The following MYRIP variants were observed in gnomAD, a reference collection of about 807,000 sequenced individuals.
MYRIP encodes the protein myosin VIIA and Rab interacting protein, also known as rab effector MyRIP.
A neutral mutation model predicts 98.0 loss-of-function variants in MYRIP; 49 were observed. The ratio of observed to expected loss-of-function variants is 0.50; its 90% CI spans 0.40 to 0.63. The LOEUF (loss-of-function observed/expected upper bound fraction) is 0.63. Among genes scored for constraint, MYRIP ranks in the 30% least tolerant of loss-of-function variants. The pLI, the probability that MYRIP is intolerant of heterozygous loss-of-function variation, is 0.00. For synonymous variants in MYRIP, 404 were observed against 409.5 expected, an observed-to-expected ratio of 0.99 and a Z score of 0.16; for missense variants, 1,004 against 1,058.2, an observed-to-expected ratio of 0.95 and a Z score of 0.71.
At chr3:40,174,037 A>T (rs1204552893) in intron 8 of MYRIP, 1 of 152,214 alleles carries the variant, frequency 6.6e-6, no homozygotes, top group Non-Finnish European at 1.5e-5. Context: ...CATATTCAAC[A>T]CTTCACAAGA....
chr3:40,204,038 ATT>A lies in MYRIP; in HGVS notation c.1666-5815_1666-5814del, dbSNP rs1951690301. ...ATAATATATATTATATATATTATAT[ATT>A]ATATATAATATATTTATATATAATA... On this transcript the variant is annotated intron_variant, in intron 10 of 16. Transcript: ENST00000302541. Among the ~76,000 whole-genome samples, 11 of 8,848 alleles carry A rather than the reference ATT, an allele frequency of 1.2e-3. 2 individuals are homozygous for A. The highest frequency in any genetic ancestry group is 1.4e-3 in the African/African-American group (5 of 3,526). 5.8% of individuals were successfully genotyped at this position (8,848 alleles called of 152,430 possible). A position where few individuals can be genotyped will look rare whatever the true frequency, so the allele number is the denominator to read the frequency against.
chr3:39,932,820 C>T (rs766574374), intron 2 of MYRIP, among the ~76,000 whole-genome samples: 1 of 152,202 alleles, frequency 6.6e-6, no homozygotes, highest in South Asian at 2.1e-4. Flanking sequence ...ATATGTCTTA[C>T]ACATTGGTAG....
chr3:40,043,124 G>A (rs1947581940), intron 2 of MYRIP, among the ~76,000 whole-genome samples: 1 of 152,118 alleles, frequency 6.6e-6, no homozygotes, highest in Admixed American at 6.6e-5. Flanking sequence ...ATAAGTGGGG[G>A]ACTGTGTTTT....
chr3:40,219,078 A>G (rs901035819), intron 11 of MYRIP, among the ~76,000 whole-genome samples: 4 of 152,220 alleles, frequency 2.6e-5, no homozygotes, highest in Non-Finnish European at 4.4e-5. Flanking sequence ...CCTTTAAGGA[A>G]TATTAGATTA....
At chr3:40,236,073 G>A (rs750079572) in intron 12 of MYRIP, among the ~76,000 whole-genome samples, 4 of 152,154 alleles carry the variant, frequency 2.6e-5, no homozygotes, top group African/African-American at 4.8e-5. Flanking sequence ...GGTCAATGGC[G>A]AATCACATAT....
At chr3:39,827,188 C>T (rs1351107751) in intron 1 of MYRIP, among the ~76,000 whole-genome samples, 1 of 152,156 alleles carries the variant, frequency 6.6e-6, no homozygotes, top group Non-Finnish European at 1.5e-5. Context: ...CCATAGCTCA[C>T]TCCAGCCTCA....
chr3:40,251,415 A>AC (rs976046280), intron 15 of MYRIP, among the ~76,000 whole-genome samples: 4 of 152,124 alleles, frequency 2.6e-5, no homozygotes, highest in African/African-American at 9.7e-5. Flanking sequence ...ATTTCTTTAC[A>AC]CCCCCCATGG....
intron 2 of MYRIP, among the ~76,000 whole-genome samples, chr3:39,987,045 T>G (rs1316650864): frequency 6.6e-6 from 1 of 152,178 alleles, no homozygotes; most frequent in Non-Finnish European, 1.5e-5. Context: ...AACATGTAGC[T>G]TTGTTACATA....
At chr3:40,158,811 A>G (rs1323813425) in intron 4 of MYRIP, among the ~76,000 whole-genome samples, 2 of 145,982 alleles carry the variant, frequency 1.4e-5, no homozygotes, top group Non-Finnish European at 2.9e-5. Flanking sequence ...AGAGACTAGC[A>G]TTGCAACCCC....
chr3:40,204,374 G>T (rs1363799290), intron 10 of MYRIP, among the ~76,000 whole-genome samples: 7 of 148,996 alleles, frequency 4.7e-5, no homozygotes. Flanking sequence ...TAGAGACAGG[G>T]TTTTGCCATT....
At chr3:39,833,132 C>A (rs1367876004) in intron 1 of MYRIP, among the ~76,000 whole-genome samples, 1 of 152,014 alleles carries the variant, frequency 6.6e-6, no homozygotes, top group Non-Finnish European at 1.5e-5. Context: ...AAGCATGCTT[C>A]TGTGTATAAT....
intron 11 of MYRIP, among the ~76,000 whole-genome samples, chr3:40,230,619 A>G (rs1952624836): frequency 6.6e-6 from 1 of 152,174 alleles, no homozygotes. Flanking sequence ...CTCAACTTCC[A>G]GTAGGTGCAT....
intron 3 of MYRIP, among the ~76,000 whole-genome samples, chr3:40,064,659 G>A (rs969173042): frequency 3.5e-4 from 53 of 152,278 alleles, no homozygotes; most frequent in Middle Eastern, 3.4e-3. Flanking sequence ...GGGATGCCTG[G>A]GTGAAGTTGA....
intron 1 of MYRIP, among the ~76,000 whole-genome samples, chr3:39,852,688 C>T (rs1027605570): frequency 6.6e-6 from 1 of 152,132 alleles, no homozygotes; most frequent in Admixed American, 6.6e-5. Context: ...CCAACTCCAT[C>T]CAGGTTGCTG....
At chr3:40,251,792 G>C (rs2125723846) in intron 15 of MYRIP, 89 bp from the exon 16 acceptor site, 4 of 844,902 alleles carry the variant, frequency 4.7e-6, no homozygotes, top group South Asian at 4.4e-5. Flanking sequence ...TAGAACAAAA[G>C]TCTGAGTAAT....
At chr3:40,172,580 A>G (rs2125601447) in intron 8 of MYRIP, among the ~76,000 whole-genome samples, 1 of 152,292 alleles carries the variant, frequency 6.6e-6, no homozygotes, top group East Asian at 1.9e-4. Context: ...ACGTTTCAAA[A>G]TAAAGGTGAC....
intron 16 of MYRIP, among the ~76,000 whole-genome samples, chr3:40,253,360 G>T (rs1478183545): frequency 6.6e-6 from 1 of 152,224 alleles, no homozygotes; most frequent in Non-Finnish European, 1.5e-5. Flanking sequence ...GGACTTGTAT[G>T]AATGGCCATA....
chr3:40,063,591 G>T (rs1948064699), intron 3 of MYRIP, among the ~76,000 whole-genome samples: 1 of 152,150 alleles, frequency 6.6e-6, no homozygotes, highest in Non-Finnish European at 1.5e-5. Flanking sequence ...AGTAGAAATT[G>T]TTGGTCTGTG....
intron 3 of MYRIP, among the ~76,000 whole-genome samples, chr3:40,065,193 G>A (rs1948100467): frequency 6.6e-6 from 1 of 152,150 alleles, no homozygotes; most frequent in African/African-American, 2.4e-5. Flanking sequence ...TGTAACTCTA[G>A]CCTCTGCCTT....
Sources: gnomAD v4.1 joint callset for allele counts (sites outside exome capture counted in the v4.1 genomes callset) on GRCh38, gnomAD v4.1.1 for gene constraint, MANE v1.5 for transcripts, NCBI Gene and HGNC (gene_info 2026-07-23, HGNC 2026-07-21) for gene names.